RNF123: variants seen among roughly 807,000 people sequenced by gnomAD.
The protein encoded by RNF123 is ring finger protein 123.
In RNF123, 86 loss-of-function variants were observed where a neutral mutation model predicts 168.5. The ratio of observed to expected loss-of-function variants is 0.51; its 90% CI spans 0.43 to 0.61. The LOEUF (loss-of-function observed/expected upper bound fraction) is 0.61, where lower values mean the gene tolerates loss of function less well. RNF123 is among the 20% of genes least tolerant of loss of function. The probability of loss-of-function intolerance (pLI) is 0.00; values close to 1 mark genes in which losing one functional copy is unlikely to be tolerated. For synonymous variants in RNF123, 666 were observed against 689.1 expected (o/e 0.97, Z 0.52); for missense variants, 1,419 against 1,729.7 (o/e 0.82, Z 3.19).
intron 25 of RNF123, among the ~76,000 whole-genome samples, chr3:49,706,383 TC>T (rs1390461711): frequency 6.6e-6 from 1 of 152,220 alleles, no homozygotes; most frequent in Non-Finnish European, 1.5e-5. Flanking sequence ...CACTGCACCC[TC>T]CGGAGCCCTC....
intron 35 of RNF123, chr3:49,717,755 C>T: frequency 1.5e-6 from 1 of 648,086 alleles, no homozygotes; most frequent in Non-Finnish European, 2.6e-6. Context: ...AGGGGCAGAG[C>T]AGAAGGCAGG....
chr3:49,718,917 G>A (rs747864514), intron 35 of RNF123: 10 of 1,613,650 alleles, frequency 6.2e-6, no homozygotes, highest in Non-Finnish European at 8.5e-6. Context: ...TAAGCAGGTG[G>A]GTGGCGCTCA....
In RNF123 at chr3:49,699,893, G is replaced by A; in HGVS notation, c.984+121G>A. The A allele has an allele frequency of 9.7e-7, 1 of 1,029,616 alleles. No individual in the cohort carries two copies. The highest frequency in any genetic ancestry group is 1.4e-6 in the Non-Finnish European group (1 of 694,456). 63.8% of individuals were successfully genotyped at this position (1,029,616 alleles called of 1,614,324 possible). A position where few individuals can be genotyped will look rare whatever the true frequency, so the allele number is the denominator to read the frequency against. On this transcript the variant is annotated intron_variant, in intron 12 of 38. Transcript: ENST00000327697. The surrounding 1 kb of genome is among the most constrained non-coding windows in gnomAD (Gnocchi z 4.8). ...GGTCCCACAGCATCACCTGGCGAGG[G>A]CCCCATGTGACCAGGGCCCTCAGAC...
chr3:49,701,691 G>A lies in RNF123; in HGVS notation c.1395+83G>A, dbSNP rs1178904123. On this transcript the variant is annotated intron_variant, in intron 16 of 38. Transcript: ENST00000327697. ...TCTGGCCACTGGGCATCTAGCATGA[G>A]GCCTTTTCACTGGCCCTGGTCCCTG... 2.7e-6 allele frequency: 4 copies of A among 1,470,636 alleles called. No individual in the cohort carries two copies. In the African/African-American group the frequency reaches 5.5e-5, roughly 20 times the overall value. 91.1% of individuals were successfully genotyped at this position (1,470,636 alleles called of 1,614,324 possible).
At position 49,701,544 on chromosome 3, in the gene RNF123, T is replaced by C. The variant is rs566143874; in HGVS notation, c.1331T>C (p.Val444Ala). Reference protein sequence around the residue: ...VFFYIKSPLRVEEAGLQELIP... With the variant: ...VFFYIKSPLRAEEAGLQELIP... ...TTTTACATCAAGAGCCCCCTGCGTG[T>C]GGAGGAGGCCGGCCTGCAGGAGCTC... The change falls in exon 16 of 39, where the codon GTG becomes GCG. Residue 444 changes from valine to alanine, a missense_variant. By Grantham distance (64) the Val-to-Ala change is moderately conservative. Coordinates refer to ENST00000327697, the MANE Select transcript of RNF123 (RefSeq NM_022064.5). 2.0e-5 allele frequency: 32 copies of C among 1,613,784 alleles called. 1 individual carries two copies. In the South Asian group the frequency reaches 3.2e-4, roughly 16 times the overall value.
chr3:49,717,971 C>T (rs762469829), intron 35 of RNF123: 22 of 1,613,108 alleles, frequency 1.4e-5, no homozygotes, highest in Non-Finnish European at 1.7e-5. Context: ...ATGGGACCCT[C>T]GGAGCCTATG....
rs142839075 is a variant in RNF123 at position 49,719,653 on chromosome 3, G to C, written c.3501-858G>C. On this transcript the variant is annotated intron_variant, in intron 35 of 38. Coordinates refer to ENST00000327697, the MANE Select transcript of RNF123 (RefSeq NM_022064.5). ...GTTGTGAGGCGGTGCGGCACTCTTA[G>C]CCGCGCTCCCTTCGGCTTCGCTAGC... 4,127 of 582,574 alleles carry C rather than the reference G, an allele frequency of 7.1e-3. 21 individuals are homozygous for C. Among genetic ancestry groups the C allele is most frequent in the Middle Eastern group, 0.01 (22 of 2,162 alleles). The allele number at this position is 582,574 out of a possible 1,614,324, so 36.1% of individuals were successfully genotyped here.
At chr3:49,712,704 G>C in intron 27 of RNF123, 48 bp downstream of exon 27, 2 of 1,596,804 alleles carry the variant, frequency 1.3e-6, no homozygotes, top group Non-Finnish European at 1.7e-6. Flanking sequence ...GGGGTCTCTA[G>C]TGTGAGCCCT....
chr3:49,693,396 G>T (rs1478023353), intron 3 of RNF123, among the ~76,000 whole-genome samples: 1 of 100,268 alleles, frequency 1.0e-5, no homozygotes, highest in African/African-American at 4.0e-5. Flanking sequence ...TGCTCTTGTT[G>T]CCCAGCCTGG....
intron 1 of RNF123, among the ~76,000 whole-genome samples, chr3:49,690,560 G>A (rs1015808705): frequency 6.6e-6 from 1 of 152,218 alleles, no homozygotes; most frequent in Non-Finnish European, 1.5e-5. Context: ...GAGGTGGGAG[G>A]CCACATGTGT....
At chr3:49,711,895 G>T (rs1300115794) in intron 26 of RNF123, among the ~76,000 whole-genome samples, 1 of 151,876 alleles carries the variant, frequency 6.6e-6, no homozygotes, top group Non-Finnish European at 1.5e-5. Context: ...GCTTACCATC[G>T]CCAGCTCTCT....
chr3:49,710,430 C>T (rs1015310622), intron 26 of RNF123, among the ~76,000 whole-genome samples: 10 of 152,130 alleles, frequency 6.6e-5, no homozygotes, highest in Non-Finnish European at 1.2e-4. Context: ...TAGGCATACG[C>T]CACCACGCCC....
chr3:49,705,748 T>C, intron 24 of RNF123, 69 bp downstream of exon 24: 1 of 1,602,068 alleles, frequency 6.2e-7, no homozygotes, highest in Non-Finnish European at 8.5e-7. Context: ...TGTATTCCTG[T>C]GTGCACATGG....
chr3:49,705,403 C>A, intron 23 of RNF123, 131 bp from the exon 24 acceptor site: 1 of 1,351,238 alleles, frequency 7.4e-7, no homozygotes, highest in Non-Finnish European at 1.0e-6. Flanking sequence ...TACCCCCATG[C>A]CCCCATGGGC....
Position 49,702,309 on chromosome 3 carries a change from A to C in RNF123, c.1558-25A>C, listed in dbSNP as rs73834010. The C allele has an allele frequency of 1.7e-3, 2,773 of 1,613,288 alleles. 52 individuals are homozygous for C. The African/African-American group carries it at 0.032, about 19-fold the overall frequency. On this transcript the variant is annotated intron_variant, in intron 18 of 38. Transcript: ENST00000327697. ...TGGGCCTGCATTCTCAGCTCAGCACAGCCTCACTTTTCCCTCTCTCAAAGG... is the reference window on the plus strand; with the variant it reads ...TGGGCCTGCATTCTCAGCTCAGCACCGCCTCACTTTTCCCTCTCTCAAAGG...
Position 49,706,882 on chromosome 3 carries a change from C to G in RNF123, c.2480C>G (p.Ala827Gly), listed in dbSNP as rs2054529832. 1.2e-6 allele frequency: 2 copies of G among 1,614,030 alleles called. No individual in the cohort carries two copies. The highest frequency in any genetic ancestry group is 4.5e-5 in the East Asian group (2 of 44,882). The change falls in exon 26 of 39, where the codon GCC becomes GGC. Residue 827 changes from alanine (A) to glycine (G), a missense_variant. Ala to Gly is a moderately conservative substitution (Grantham distance 60, BLOSUM62 0). Coordinates refer to ENST00000327697, the MANE Select transcript of RNF123 (RefSeq NM_022064.5). ...HLSRRLAWVH[A>G]TVYSQEKMLD... Reference sequence around the variant, plus strand: ...AGCCGCCGTCTTGCCTGGGTCCATGCCACTGTCTACTCCCAGGTGTGCTGG... The same window carrying G: ...AGCCGCCGTCTTGCCTGGGTCCATGGCACTGTCTACTCCCAGGTGTGCTGG...
At chr3:49,692,075 C>G (rs2054176831) in intron 3 of RNF123, among the ~76,000 whole-genome samples, 1 of 152,186 alleles carries the variant, frequency 6.6e-6, no homozygotes, top group African/African-American at 2.4e-5. Context: ...AAGACCCCAT[C>G]TCTACAATAA....
At position 49,702,153 on chromosome 3, in the gene RNF123, C is replaced by A. The variant is rs755948054; in HGVS notation, c.1557+9C>A. 1 of 1,613,900 alleles carries A rather than the reference C, an allele frequency of 6.2e-7. No homozygotes were observed. Among genetic ancestry groups the A allele is most frequent in the South Asian group, 1.1e-5 (1 of 91,072 alleles). ...ATAAAGATGACAATGGGGTGAGTGA[C>A]TCCCAGGAGCCCTGGGTGGGGCCCT... On this transcript the variant is annotated intron_variant, in intron 18 of 38. Transcript: ENST00000327697.
At chr3:49,689,952 G>A (rs549532049) in intron 1 of RNF123, 1 of 152,350 alleles carries the variant, frequency 6.6e-6, no homozygotes, top group South Asian at 2.1e-4. Flanking sequence ...AGCCCACTCC[G>A]GGTGTCTGGA....
Sources: allele counts gnomAD v4.1 joint callset (sites outside exome capture counted in the v4.1 genomes callset), GRCh38; gene constraint gnomAD v4.1.1; non-coding constraint Gnocchi (gnomAD v3.1); transcripts MANE v1.5; gene names NCBI Gene and HGNC (gene_info 2026-07-23, HGNC 2026-07-21).